KLHL5: variants seen among roughly 807,000 people sequenced by gnomAD.
KLHL5 encodes the protein kelch-like protein 5.
Under a neutral mutation model 77.7 loss-of-function variants are expected in KLHL5, and 48 were observed. The ratio of observed to expected loss-of-function variants is 0.62; its 90% CI spans 0.49 to 0.79. The LOEUF (loss-of-function observed/expected upper bound fraction) is 0.79, where lower values mean the gene tolerates loss of function less well. KLHL5 is among the 30% of genes least tolerant of loss of function. The pLI is 0.00. For missense variants in KLHL5, 723 were observed against 859.7 expected, an observed-to-expected ratio of 0.84 and a Z score of 1.99; for synonymous variants, 260 against 297.0, an observed-to-expected ratio of 0.88 and a Z score of 1.28.
intron 5 of KLHL5, among the ~76,000 whole-genome samples, chr4:39,089,378 T>A (rs748791685): frequency 3.6e-4 from 55 of 152,308 alleles, no homozygotes; most frequent in African/African-American, 1.3e-3. Context: ...TGAAGAATCA[T>A]GTTCCCAAAG....
chr4:39,114,295 C>T (rs1170695145), intron 9 of KLHL5, among the ~76,000 whole-genome samples: 2 of 152,124 alleles, frequency 1.3e-5, no homozygotes, highest in African/African-American at 2.4e-5. Context: ...AAGGGAAAGT[C>T]GGCATTCAAA....
Position 39,113,190 on chromosome 4 carries a change from C to G in KLHL5, c.1859C>G (p.Pro620Arg). Residue 620 changes from proline to arginine, a missense_variant, in exon 9 of 11, where the codon CCC becomes CGC. Around this residue, in one of 3 missense-constraint regions of KLHL5, gnomAD observed 214 missense variants for 237.4 expected, o/e 0.90. Coordinates refer to ENST00000504108, the MANE Select transcript of KLHL5 (RefSeq NM_015990.5). ...LLYAIGGHDA[P>R]ASNLTSRLSD... ...TATGCTATAGGGGGGCACGATGCTC[C>G]CGCATCCAACTTGACTTCCAGACTC... 2 of 1,614,036 alleles carry G rather than the reference C, an allele frequency of 1.2e-6. No homozygotes were observed. The highest frequency in any genetic ancestry group is 1.7e-6 in the Non-Finnish European group (2 of 1,179,944).
the KLHL5 span, among the ~76,000 whole-genome samples, chr4:39,131,986 A>C: frequency 6.6e-6 from 1 of 152,200 alleles, no homozygotes; most frequent in Non-Finnish European, 1.5e-5. Context: ...GCATTTGCCA[A>C]ACTCTCAAAA....
chr4:39,113,114 A>T lies in KLHL5; in HGVS notation c.1783A>T (p.Met595Leu). The T allele has an allele frequency of 6.2e-7, 1 of 1,614,060 alleles. No individual in the cohort carries two copies. The highest frequency in any genetic ancestry group is 1.3e-5 in the African/African-American group (1 of 75,042). ...HTNKWTLCAQ[M>L]SKRRGGVGVT... ...TAATAAGTGGACACTGTGTGCACAG[A>T]TGTCAAAAAGGAGAGGTGGCGTAGG... Residue 595 changes from methionine (M) to leucine (L), a missense_variant, in exon 9 of 11, where the codon ATG (methionine) becomes TTG (leucine). Transcript: ENST00000504108.
intron 9 of KLHL5, among the ~76,000 whole-genome samples, chr4:39,113,757 A>G (rs1345156060): frequency 6.6e-6 from 1 of 152,140 alleles, no homozygotes; most frequent in Non-Finnish European, 1.5e-5. Context: ...AGGTGGTACA[A>G]TCAATAGGAG....
At chr4:39,117,147 A>C (rs1397055192) in intron 10 of KLHL5, among the ~76,000 whole-genome samples, 1 of 152,016 alleles carries the variant, frequency 6.6e-6, no homozygotes, top group Non-Finnish European at 1.5e-5. Flanking sequence ...CAAAATTTTG[A>C]AAAATTAGCA....
At position 39,113,261 on chromosome 4, in the gene KLHL5, C is replaced by CA. The variant is rs751575651; in HGVS notation, c.1901+35dup. 2.4e-5 allele frequency: 37 copies of CA among 1,539,036 alleles called. No individual in the cohort carries two copies. In the African/African-American group the frequency reaches 4.0e-4, roughly 17 times the overall value. Reference sequence around the variant, plus strand: ...ATTTCCTGGGAAGAAAAACTAGGAACAAAAAAGATATATATAAGTCTCTGA... The same window carrying CA: ...ATTTCCTGGGAAGAAAAACTAGGAACAAAAAAAGATATATATAAGTCTCTGA... On this transcript the variant is annotated intron_variant, in intron 9 of 10. Coordinates refer to ENST00000504108, the MANE Select transcript of KLHL5 (RefSeq NM_015990.5).
intron 10 of KLHL5, chr4:39,115,823 T>C (rs1722795298): frequency 2.0e-6 from 2 of 1,019,956 alleles, no homozygotes; most frequent in Admixed American, 5.7e-5. Context: ...GCAGTCTTAC[T>C]AACAGAAAGA....
chr4:39,051,771 C>T (rs1292957126), intron 1 of KLHL5, among the ~76,000 whole-genome samples: 1 of 152,172 alleles, frequency 6.6e-6, no homozygotes, highest in Non-Finnish European at 1.5e-5. Context: ...TACACAACTC[C>T]ATAGACTGAG....
At chr4:39,112,888 C>T in intron 8 of KLHL5, 132 bp from the exon 9 acceptor site, 1 of 703,864 alleles carries the variant, frequency 1.4e-6, no homozygotes, top group East Asian at 2.7e-5. Context: ...TTTTTAATGA[C>T]ACACACATTG....
chr4:39,103,682 C>T (rs1052691537), intron 7 of KLHL5, among the ~76,000 whole-genome samples, 171 bp downstream of exon 7: 1 of 152,090 alleles, frequency 6.6e-6, no homozygotes, highest in Admixed American at 6.6e-5. Flanking sequence ...AAGATGAGGC[C>T]GGATGCAGTG....
chr4:39,112,986 G>A (rs914409271), intron 8 of KLHL5, 34 bp from the exon 9 acceptor site: 6 of 1,575,658 alleles, frequency 3.8e-6, no homozygotes, highest in Non-Finnish European at 5.2e-6. Flanking sequence ...AATGGCACAT[G>A]TCTTATTTAT....
intron 2 of KLHL5, among the ~76,000 whole-genome samples, chr4:39,077,001 G>C (rs1719115586): frequency 6.6e-6 from 1 of 150,618 alleles, no homozygotes; most frequent in Non-Finnish European, 1.5e-5. Flanking sequence ...CACAGAGAGG[G>C]AGAAAATATT....
Position 39,071,989 on chromosome 4 carries a change from G to T in KLHL5, c.384-3976G>T, listed in dbSNP as rs1157506257. On this transcript the variant is annotated intron_variant, in intron 1 of 10. Transcript: ENST00000504108. The stretch of plus-strand genomic sequence containing the variant: ...CCTCTGTTGTTATGTAAAAGATCAA[G>T]TAGAAATCAGAGAGAAATATATTTT... 7.9e-5 allele frequency among the ~76,000 whole-genome samples: 12 copies of T among 152,290 alleles called. 1 individual carries two copies. In the South Asian group the frequency reaches 1.7e-3, roughly 21 times the overall value.
downstream of KLHL5, among the ~76,000 whole-genome samples, chr4:39,127,985 G>A (rs944688619): frequency 2.6e-5 from 4 of 152,242 alleles, no homozygotes; most frequent in South Asian, 4.1e-4. Flanking sequence ...CAGCAGAGAC[G>A]GACTGGCAGA....
intron 2 of KLHL5, among the ~76,000 whole-genome samples, chr4:39,079,762 A>G (rs1719438323): frequency 6.6e-6 from 1 of 152,176 alleles, no homozygotes; most frequent in Non-Finnish European, 1.5e-5. Flanking sequence ...TTTTGTACCC[A>G]ATGTATCTCA....
intron 5 of KLHL5, among the ~76,000 whole-genome samples, chr4:39,090,748 C>G (rs1577698332): frequency 6.6e-6 from 1 of 151,996 alleles, no homozygotes; most frequent in Admixed American, 6.6e-5. Context: ...CATGCCCAAC[C>G]TTTGTATGGC....
chr4:39,101,950 A>ACC (rs1285875477), intron 6 of KLHL5, among the ~76,000 whole-genome samples: 4 of 65,558 alleles, frequency 6.1e-5, no homozygotes, highest in African/African-American at 2.1e-4. Flanking sequence ...ATACACACAT[A>ACC]TATATACACA....
chr4:39,054,849 A>T (rs1459228961), intron 1 of KLHL5, among the ~76,000 whole-genome samples: 1 of 152,220 alleles, frequency 6.6e-6, no homozygotes, highest in East Asian at 1.9e-4. Context: ...GCAGCTCCAT[A>T]GCTGACCTGT....
Sources: allele counts gnomAD v4.1 joint callset (sites outside exome capture counted in the v4.1 genomes callset), GRCh38; gene constraint gnomAD v4.1.1; regional missense constraint gnomAD v4.1.1; transcripts MANE v1.5; gene names NCBI Gene and HGNC (gene_info 2026-07-23, HGNC 2026-07-21).